Variants in VEPH1 observed in about 807,000 individuals in gnomAD.
The protein encoded by VEPH1 is ventricular zone expressed PH domain containing 1.
In VEPH1, 80 loss-of-function variants were observed where a neutral mutation model predicts 85.2. The ratio of observed to expected loss-of-function variants is 0.94; its 90% CI spans 0.78 to 1.13. The LOEUF is 1.13. Ranked by LOEUF, VEPH1 falls within the 50% of genes most tolerant of loss-of-function variation. VEPH1 has a pLI of 0.00. For synonymous variants in VEPH1, 297 were observed against 348.0 expected (o/e 0.85, Z 1.63); for missense variants, 955 against 980.5 (o/e 0.97, Z 0.35).
chr3:157,292,710 G>A (rs1717635164), intron 11 of VEPH1, among the ~76,000 whole-genome samples: 1 of 148,938 alleles, frequency 6.7e-6, no homozygotes, highest in Non-Finnish European at 1.5e-5. Context: ...GAGGCCGGGT[G>A]CAGTGGCTCA....
intron 11 of VEPH1, among the ~76,000 whole-genome samples, chr3:157,300,466 T>C (rs1348837540): frequency 1.3e-5 from 2 of 152,174 alleles, no homozygotes; most frequent in African/African-American, 2.4e-5. Flanking sequence ...AGAAATATAA[T>C]ACATGTGATA....
chr3:157,355,268 A>G (rs960803328), intron 9 of VEPH1, among the ~76,000 whole-genome samples: 4 of 152,210 alleles, frequency 2.6e-5, no homozygotes, highest in Non-Finnish European at 1.5e-5. Flanking sequence ...TTCTGCACAC[A>G]GTTGTATCCC....
At chr3:157,329,884 C>T (rs557458246) in intron 9 of VEPH1, among the ~76,000 whole-genome samples, 1 of 152,286 alleles carries the variant, frequency 6.6e-6, no homozygotes, top group East Asian at 1.9e-4. Flanking sequence ...CACAGGGTAG[C>T]ATGAACTTCG....
intron 3 of VEPH1, 140 bp downstream of exon 3, chr3:157,470,174 T>TA (rs1736785462): frequency 6.8e-6 from 5 of 736,452 alleles, no homozygotes; most frequent in Non-Finnish European, 8.9e-6. Context: ...TTACCGGCCC[T>TA]CCCAGCTATT....
chr3:157,436,988 A>T, intron 4 of VEPH1: 1 of 1,614,046 alleles, frequency 6.2e-7, no homozygotes, highest in Non-Finnish European at 8.5e-7. Context: ...GTTGGCCGAG[A>T]ACTCGGATGA....
At chr3:157,497,278 G>C (rs1739739284) in intron 1 of VEPH1, among the ~76,000 whole-genome samples, 1 of 152,102 alleles carries the variant, frequency 6.6e-6, no homozygotes, top group Non-Finnish European at 1.5e-5. Flanking sequence ...CTGGATCCTT[G>C]CCCATTCTAT....
At chr3:157,351,285 A>C (rs1047944169) in intron 9 of VEPH1, among the ~76,000 whole-genome samples, 3 of 152,134 alleles carry the variant, frequency 2.0e-5, no homozygotes, top group African/African-American at 7.2e-5. Flanking sequence ...ATTTTTAATA[A>C]AAATACAAAA....
At chr3:157,486,198 A>AT (rs1257065973) in intron 2 of VEPH1, among the ~76,000 whole-genome samples, 3 of 152,148 alleles carry the variant, frequency 2.0e-5, no homozygotes, top group Non-Finnish European at 4.4e-5. Context: ...CATATTAAAC[A>AT]TTTAAAGAGG....
intron 12 of VEPH1, among the ~76,000 whole-genome samples, chr3:157,282,914 C>T (rs1018254230): frequency 6.6e-5 from 10 of 152,186 alleles, no homozygotes; most frequent in African/African-American, 1.2e-4. Context: ...CTGAGGATTA[C>T]TGAGTTATTT....
intron 9 of VEPH1, among the ~76,000 whole-genome samples, chr3:157,326,110 C>CA (rs770921461): frequency 6.6e-6 from 1 of 152,082 alleles, no homozygotes; most frequent in African/African-American, 2.4e-5. Context: ...AATGGGAGTT[C>CA]ATTCATGATT....
chr3:157,335,053 C>T (rs906300121), intron 9 of VEPH1, among the ~76,000 whole-genome samples: 4 of 152,098 alleles, frequency 2.6e-5, no homozygotes, highest in African/African-American at 4.8e-5. Flanking sequence ...ATTTGTTCAC[C>T]TTTTTAAAAT....
At chr3:157,371,031 A>C (rs1727425288) in intron 7 of VEPH1, among the ~76,000 whole-genome samples, 1 of 152,244 alleles carries the variant, frequency 6.6e-6, no homozygotes, top group Non-Finnish European at 1.5e-5. Context: ...GAAAAATTCA[A>C]GGCATGGTAA....
intron 12 of VEPH1, among the ~76,000 whole-genome samples, chr3:157,280,803 A>AT (rs1410754937): frequency 6.6e-6 from 1 of 152,142 alleles, no homozygotes; most frequent in African/African-American, 2.4e-5. Context: ...AACAAATTCG[A>AT]TTTTTTCCCA....
chr3:157,386,797 G>T (rs189594517), intron 6 of VEPH1, among the ~76,000 whole-genome samples: 1 of 152,344 alleles, frequency 6.6e-6, no homozygotes, highest in Non-Finnish European at 1.5e-5. Context: ...CCACTGTCTT[G>T]TCTTGGTTTG....
intron 11 of VEPH1, among the ~76,000 whole-genome samples, chr3:157,287,571 TA>T (rs1184491351): frequency 6.6e-6 from 1 of 152,116 alleles, no homozygotes; most frequent in Non-Finnish European, 1.5e-5. Context: ...TTTTTACTTT[TA>T]TTTTTTTACT....
intron 11 of VEPH1, among the ~76,000 whole-genome samples, chr3:157,308,190 T>TTC (rs34401521): frequency 0.47 from 70,480 of 151,472 alleles, 18,272 homozygotes; most frequent in Admixed American, 0.61. Context: ...TTCTGGTTTA[T>TTC]TCTTTTAATC....
At chr3:157,324,949 C>T (rs1171056607) in intron 9 of VEPH1, among the ~76,000 whole-genome samples, 1 of 152,158 alleles carries the variant, frequency 6.6e-6, no homozygotes, top group African/African-American at 2.4e-5. Context: ...TTTACACTCC[C>T]ACCAACAGTG....
intron 4 of VEPH1, among the ~76,000 whole-genome samples, chr3:157,457,113 G>A (rs1202035821): frequency 6.6e-6 from 1 of 152,012 alleles, no homozygotes; most frequent in African/African-American, 2.4e-5. Context: ...GGATTCCTAG[G>A]TATTTTATTT....
chr3:157,397,546 C>A (rs917715716), intron 6 of VEPH1, among the ~76,000 whole-genome samples: 2 of 152,144 alleles, frequency 1.3e-5, no homozygotes, highest in African/African-American at 4.8e-5. Flanking sequence ...TTCTTCCTAT[C>A]AATGAGTATG....
Sources: allele counts gnomAD v4.1 joint callset (sites outside exome capture counted in the v4.1 genomes callset), GRCh38; gene constraint gnomAD v4.1.1; transcripts MANE v1.5; gene names NCBI Gene and HGNC (gene_info 2026-07-23, HGNC 2026-07-21).